AP4B1: variants seen among roughly 807,000 people sequenced by gnomAD.
AP4B1 encodes the protein adaptor related protein complex 4 subunit beta 1.
A neutral mutation model predicts 76.5 loss-of-function variants in AP4B1; 49 were observed. The observed-to-expected ratio is 0.64, with a 90% CI of 0.51 to 0.81. The LOEUF (loss-of-function observed/expected upper bound fraction) is 0.81, where lower values mean the gene tolerates loss of function less well. Ranked by LOEUF, AP4B1 falls within the 40% of genes least tolerant of loss-of-function variation. AP4B1 has a pLI of 0.00. For missense variants in AP4B1, 911 were observed against 904.9 expected (o/e 1.01, Z -0.09); for synonymous variants, 330 against 333.3 (o/e 0.99, Z 0.11).
intron 3 of AP4B1, 117 bp downstream of exon 3, chr1:113,901,638 A>T: frequency 6.8e-7 from 1 of 1,466,646 alleles, no homozygotes; most frequent in Non-Finnish European, 9.5e-7. Context: ...CATCCTACTT[A>T]AAGAGATATG....
chr1:113,898,623 T>C, intron 6 of AP4B1, 95 bp downstream of exon 6: 1 of 933,614 alleles, frequency 1.1e-6, no homozygotes, highest in Non-Finnish European at 1.7e-6. Flanking sequence ...TTCAAATCTC[T>C]ATATTACTCA....
chr1:113,899,784 G>C, intron 5 of AP4B1, 120 bp downstream of exon 5: 2 of 1,507,714 alleles, frequency 1.3e-6, no homozygotes, highest in Non-Finnish European at 1.8e-6. Flanking sequence ...CAATTATTTA[G>C]TGCATAGTAC....
rs191202554 is a variant in AP4B1, at chr1:113,902,707, A to G, written c.269T>C (p.Leu90Pro). The G allele has an allele frequency of 3.7e-6, 6 of 1,614,198 alleles. No homozygotes were observed. The Admixed American group carries it at 6.7e-5, about 18-fold the overall frequency. Reference protein sequence around the residue: ...PDLALLAINTLCKDCSDPNPM... With the variant: ...PDLALLAINTPCKDCSDPNPM... The stretch of plus-strand genomic sequence containing the variant: ...ATTGGGGTCTGAGCAGTCTTTGCAC[A>G]GCGTATTGATGGCCAGGAGAGCCAG... Residue 90 changes from leucine to proline, a missense_variant, in exon 2 of 10, where the codon CTG (leucine) becomes CCG (proline). Coordinates refer to ENST00000369569, the MANE Select transcript of AP4B1 (RefSeq NM_001253852.3).
At chr1:113,901,976 T>C (rs377159938) in intron 2 of AP4B1, 91 bp from the exon 3 acceptor site, 17 of 1,459,816 alleles carry the variant, frequency 1.2e-5, no homozygotes, top group East Asian at 1.1e-4. Flanking sequence ...GTTTAGTAGA[T>C]GCTGCACCCA....
At chr1:113,902,194 C>T in intron 2 of AP4B1, 1 of 417,568 alleles carries the variant, frequency 2.4e-6, no homozygotes, top group Non-Finnish European at 4.5e-6. Flanking sequence ...TGCGTGTCAC[C>T]ATGCCCATTT....
intron 1 of AP4B1, among the ~76,000 whole-genome samples, chr1:113,903,934 T>C (rs1668627490): frequency 6.6e-6 from 1 of 152,202 alleles, no homozygotes; most frequent in African/African-American, 2.4e-5. Flanking sequence ...AAGGGATTTT[T>C]ATGCATAGTA....
At chr1:113,899,826 C>T (rs1667982592) in intron 5 of AP4B1, 78 bp downstream of exon 5, 3 of 1,610,258 alleles carry the variant, frequency 1.9e-6, no homozygotes, top group Admixed American at 1.7e-5. Context: ...ATGCCCTTTG[C>T]TCTCTATGGT....
rs541390447 is a variant in AP4B1, at chr1:113,894,221, T to G, written c.*844A>C. Among the ~76,000 whole-genome samples, 3 of 152,352 alleles carry G rather than the reference T, an allele frequency of 2.0e-5. No individual in the cohort carries two copies. The highest frequency in any genetic ancestry group is 4.4e-5 in the Non-Finnish European group (3 of 68,034). Reference sequence around the variant, plus strand: ...TATATTTTACCATCATTTTATTAGATTTGTTCTTGCCATAAGTTGCTTCAA... The same window carrying G: ...TATATTTTACCATCATTTTATTAGAGTTGTTCTTGCCATAAGTTGCTTCAA... On this transcript the variant is annotated 3_prime_UTR_variant, in exon 10 of 10. Coordinates refer to ENST00000369569, the MANE Select transcript of AP4B1 (RefSeq NM_001253852.3).
In AP4B1 at chr1:113,902,737, G is replaced by A. The variant is rs772917275; in HGVS notation, c.239C>T (p.Pro80Leu). The change falls in exon 2 of 10, where the codon CCA becomes CTA. Residue 80 changes from proline (P) to leucine (L), a missense_variant. Pro to Leu is a moderately conservative substitution (Grantham distance 98). Transcript: ENST00000369569. ...ATTGATGGCCAGGAGAGCCAGATCTGGTTTCAGGGGAGCATATGTGCACAT... is the reference window on the plus strand; with the variant it reads ...ATTGATGGCCAGGAGAGCCAGATCTAGTTTCAGGGGAGCATATGTGCACAT... ...LYMCTYAPLK[P>L]DLALLAINTL... 1 of 1,614,152 alleles carries A rather than the reference G, an allele frequency of 6.2e-7. No homozygotes were observed. The highest frequency in any genetic ancestry group is 1.7e-5 in the Admixed American group (1 of 60,022).
At position 113,897,952 on chromosome 1, in the gene AP4B1, C is replaced by A. The variant is rs763124165; in HGVS notation, c.1199-9G>T. 2.5e-5 allele frequency: 41 copies of A among 1,613,980 alleles called. No individual in the cohort carries two copies. The highest frequency in any genetic ancestry group is 4.0e-5 in the African/African-American group (3 of 74,894). The stretch of plus-strand genomic sequence containing the variant: ...GAAAGTCTGCACCACCACTACAATA[C>A]AGGCCAGGGTACAAGAGCACAGGAT... On this transcript the variant is annotated splice_polypyrimidine_tract_variant and intron_variant, in intron 6 of 9. Transcript: ENST00000369569.
rs993574840 is a variant in AP4B1, at chr1:113,896,463, C to T, written c.1305G>A (p.Gly435=). 6 of 1,614,076 alleles carry T rather than the reference C, an allele frequency of 3.7e-6. No homozygotes were observed. The highest frequency in any genetic ancestry group is 5.1e-6 in the Non-Finnish European group (6 of 1,179,924). ...CAAGTAGCCAAATAAGTGCTTGCTT[C>T]CCCTAGAGAATAAAGGAATAAGAGC... ...GCEENIQDSE[G]KQALIWLLGV... is the part of the protein sequence containing the mutation. The change falls in exon 8 of 10, where the codon GGG becomes GGA. Residue 435 remains glycine, a splice_region_variant and synonymous_variant. Transcript: ENST00000369569.
In AP4B1 at chr1:113,899,742, A is replaced by G. The variant is rs1413870457; in HGVS notation, c.1114+162T>C. 16 of 1,178,686 alleles carry G rather than the reference A, an allele frequency of 1.4e-5. No individual in the cohort carries two copies. In the Admixed American group the frequency reaches 3.5e-4, roughly 26 times the overall value. 73.0% of individuals were successfully genotyped at this position (1,178,686 alleles called of 1,614,324 possible). On this transcript the variant is annotated intron_variant, in intron 5 of 9. Coordinates refer to ENST00000369569, the MANE Select transcript of AP4B1 (RefSeq NM_001253852.3). ...AAAAAAAAACAAAAAACAAAAAAAAACTCTCTTCCCCCGTGTTTGTAGTCA... is the reference window on the plus strand; with the variant it reads ...AAAAAAAAACAAAAAACAAAAAAAAGCTCTCTTCCCCCGTGTTTGTAGTCA...
At chr1:113,898,650 T>C in intron 6 of AP4B1, 68 bp downstream of exon 6, 2 of 1,182,642 alleles carry the variant, frequency 1.7e-6, no homozygotes, top group East Asian at 2.3e-5. Context: ...AACAAACATG[T>C]TTTGAGCAAC....
intron 7 of AP4B1, 111 bp downstream of exon 7, chr1:113,897,729 A>C (rs1456233000): frequency 8.7e-7 from 1 of 1,151,234 alleles, no homozygotes; most frequent in Non-Finnish European, 1.3e-6. Flanking sequence ...AATCAATTCG[A>C]AGAGTGCCCA....
intron 9 of AP4B1, 72 bp downstream of exon 9, chr1:113,895,685 C>A: frequency 6.3e-7 from 1 of 1,597,628 alleles, no homozygotes; most frequent in Non-Finnish European, 8.6e-7. Context: ...TGCTAAGATA[C>A]TCTACTTTCC....
chr1:113,896,298 C>T lies in AP4B1; in HGVS notation c.1470G>A (p.Glu490=). The T allele has an allele frequency of 6.2e-7, 1 of 1,614,212 alleles. No homozygotes were observed. Among genetic ancestry groups the T allele is most frequent in the African/African-American group, 1.3e-5 (1 of 75,048 alleles). ...ACAAACGTCCTAGCATGTCCTGGCACTCAGCAGGTCGGGAGAGGAAAAGGC... is the reference window on the plus strand; with the variant it reads ...ACAAACGTCCTAGCATGTCCTGGCATTCAGCAGGTCGGGAGAGGAAAAGGC... ...LLRLFLSRPA[E]CQDMLGRLLY... is the part of the protein sequence containing the mutation. The change falls in exon 8 of 10, where the codon GAG becomes GAA. Residue 490 remains glutamate (E), a synonymous_variant. Coordinates refer to ENST00000369569, the MANE Select transcript of AP4B1 (RefSeq NM_001253852.3).
At chr1:113,898,028 C>A in intron 6 of AP4B1, 85 bp from the exon 7 acceptor site, 1 of 1,599,102 alleles carries the variant, frequency 6.3e-7, no homozygotes, top group Admixed American at 1.7e-5. Context: ...TATTCAGACT[C>A]ATGATTCTGG....
intron 1 of AP4B1, 44 bp from the exon 2 acceptor site, chr1:113,902,906 C>T (rs372734403): frequency 6.4e-7 from 1 of 1,572,540 alleles, no homozygotes; most frequent in African/African-American, 1.3e-5. Context: ...GCAAAATCCC[C>T]AACTTACAAT....
rs1168742392 is a variant in AP4B1, at chr1:113,904,594, G to A, written c.113+11C>T. On this transcript the variant is annotated intron_variant, in intron 1 of 9. Transcript: ENST00000369569. Reference sequence around the variant, plus strand: ...GGGAGCAGTTAGCACGCGAAGGGAGGTAGGTGATACCTAATCACTCGCTGG... The same window carrying A: ...GGGAGCAGTTAGCACGCGAAGGGAGATAGGTGATACCTAATCACTCGCTGG... 10 of 1,612,862 alleles carry A rather than the reference G, an allele frequency of 6.2e-6. No individual in the cohort carries two copies. Among genetic ancestry groups the A allele is most frequent in the African/African-American group, 1.3e-5 (1 of 75,042 alleles).
Sources: allele counts gnomAD v4.1 joint callset (sites outside exome capture counted in the v4.1 genomes callset), GRCh38; gene constraint gnomAD v4.1.1; transcripts MANE v1.5; gene names NCBI Gene and HGNC (gene_info 2026-07-23, HGNC 2026-07-21).